The following HNRNPAB variants were observed in gnomAD, a reference collection of about 807,000 sequenced individuals.
HNRNPAB encodes the protein heterogeneous nuclear ribonucleoprotein A/B.
A neutral mutation model predicts 44.1 loss-of-function variants in HNRNPAB; 17 were observed. The observed-to-expected ratio is 0.39, with a 90% CI of 0.26 to 0.58. The LOEUF is 0.58. HNRNPAB is among the 20% of genes least tolerant of loss of function. HNRNPAB has a pLI of 0.63. For missense variants in HNRNPAB, 393 were observed against 432.7 expected (o/e 0.91, Z 0.81); for synonymous variants, 183 against 167.6 (o/e 1.09, Z -0.71).
chr5:178,207,342 T>C, intron 5 of HNRNPAB, 117 bp downstream of exon 5: 2 of 1,247,674 alleles, frequency 1.6e-6, no homozygotes, highest in East Asian at 2.3e-5. Flanking sequence ...GACTTTACTA[T>C]TTCTCTGAAG....
In HNRNPAB at chr5:178,209,321, G is replaced by A. The variant is rs1362755308; in HGVS notation, c.670-9G>A. On this transcript the variant is annotated splice_polypyrimidine_tract_variant and intron_variant, in intron 5 of 7. Transcript: ENST00000358344. ...CTACTGGCCTGACCACTGTCCTCTT[G>A]ACTTTTAGTGTGAGATCAAGGTGGC... is the stretch of plus-strand genomic sequence containing the variant. The A allele has an allele frequency of 3.1e-6, 5 of 1,613,174 alleles. No individual in the cohort carries two copies. In the African/African-American group the frequency reaches 5.3e-5, roughly 17 times the overall value.
chr5:178,208,656 ATTTAT>A (rs1238932380), intron 5 of HNRNPAB: 1 of 152,254 alleles, frequency 6.6e-6, no homozygotes, highest in Non-Finnish European at 1.5e-5. Flanking sequence ...GTCTGGTCTA[ATTTAT>A]TTAAGCAGGA....
In HNRNPAB at chr5:178,207,207, T is replaced by G; in HGVS notation, c.651T>G (p.His217Gln). Residue 217 changes from histidine to glutamine, a missense_variant, in exon 5 of 8, where the codon CAT becomes CAG. His to Gln is a conservative substitution (Grantham distance 24). Around this residue, in one of 3 missense-constraint regions of HNRNPAB, gnomAD observed 210 missense variants for 196.9 expected, o/e 1.07. Transcript: ENST00000358344. Reference sequence around the variant, plus strand: ...AGAAGGTTCTGGAGAAAAAGTTCCATACTGTCAGTGGAAGCAAGGTAAGGT... The same window carrying G: ...AGAAGGTTCTGGAGAAAAAGTTCCAGACTGTCAGTGGAAGCAAGGTAAGGT... Reference protein sequence around the residue: ...PVKKVLEKKFHTVSGSKCEIK... With the variant: ...PVKKVLEKKFQTVSGSKCEIK... 6.2e-7 allele frequency: 1 copy of G among 1,614,206 alleles called. No homozygotes were observed.
intron 6 of HNRNPAB, 91 bp downstream of exon 6, chr5:178,209,538 G>A (rs925361890): frequency 1.9e-6 from 2 of 1,055,304 alleles, no homozygotes; most frequent in Admixed American, 1.9e-5. Flanking sequence ...GTGCTGTGCA[G>A]CAGGGGTGGG....
intron 7 of HNRNPAB, 36 bp downstream of exon 7, chr5:178,210,308 C>T: frequency 6.2e-7 from 1 of 1,613,550 alleles, no homozygotes; most frequent in African/African-American, 1.3e-5. Flanking sequence ...TCCGCTCACC[C>T]CTCGTCCCCA....
chr5:178,209,492 A>G (rs753785383), intron 6 of HNRNPAB, 45 bp downstream of exon 6: 38 of 1,532,442 alleles, frequency 2.5e-5, no homozygotes, highest in East Asian at 4.5e-5. Flanking sequence ...CCCTGCCTAC[A>G]TGGAGCCTTC....
chr5:178,204,917 A>G lies in HNRNPAB; in HGVS notation c.80A>G (p.Glu27Gly). The G allele has an allele frequency of 1.7e-6, 2 of 1,210,224 alleles. No individual in the cohort carries two copies. The highest frequency in any genetic ancestry group is 2.1e-6 in the Non-Finnish European group (2 of 974,196). 75.0% of individuals were successfully genotyped at this position (1,210,224 alleles called of 1,614,324 possible). Reference sequence around the variant, plus strand: ...GGACATGAGGCCGTCCCCGAAGGCGAGTCGCCGGCCGGGGCTGGCACGGGC... The same window carrying G: ...GGACATGAGGCCGTCCCCGAAGGCGGGTCGCCGGCCGGGGCTGGCACGGGC... ...ENGHEAVPEGESPAGAGTGAA... is the reference protein window; with the variant it reads ...ENGHEAVPEGGSPAGAGTGAA... Residue 27 changes from glutamate (E) to glycine (G), a missense_variant, in exon 2 of 8, where the codon GAG becomes GGG. Transcript: ENST00000358344.
At chr5:178,210,062 G>T (rs958748066) in intron 6 of HNRNPAB, 70 bp from the exon 7 acceptor site, 1 of 1,583,324 alleles carries the variant, frequency 6.3e-7, no homozygotes, top group East Asian at 2.2e-5. Flanking sequence ...CAAAGGGCAG[G>T]ATTTCCTCCA....
chr5:178,205,596 C>T, intron 2 of HNRNPAB: 2 of 468,452 alleles, frequency 4.3e-6, no homozygotes, highest in Non-Finnish European at 7.7e-6. Flanking sequence ...AGGTCCCATA[C>T]CCCTGGTGAG....
At chr5:178,207,691 CTTTTTTTTTTTTT>C (rs34424574) in intron 5 of HNRNPAB, among the ~76,000 whole-genome samples, 5 of 78,758 alleles carry the variant, frequency 6.3e-5, no homozygotes, top group Non-Finnish European at 9.0e-5. Flanking sequence ...ACTTTGAGCA[CTTTTTTTTTTTTT>C]TTTTTTTTTT....
intron 6 of HNRNPAB, among the ~76,000 whole-genome samples, 171 bp downstream of exon 6, chr5:178,209,618 G>GT (rs1441533636): frequency 6.6e-6 from 1 of 152,196 alleles, no homozygotes; most frequent in African/African-American, 2.4e-5. Flanking sequence ...GCTTGAGGCT[G>GT]TTGCCTGCTG....
chr5:178,208,728 T>G (rs1162714165), intron 5 of HNRNPAB: 1 of 152,316 alleles, frequency 6.6e-6, no homozygotes, highest in African/African-American at 2.4e-5. Context: ...GAAAGGAAAT[T>G]GACTGACTTG....
Position 178,210,780 on chromosome 5 carries a change from C to CTAT in HNRNPAB, c.*159_*161dup, listed in dbSNP as rs1554104296. On this transcript the variant is annotated 3_prime_UTR_variant, in exon 8 of 8. Coordinates refer to ENST00000358344, the MANE Select transcript of HNRNPAB (RefSeq NM_031266.3). ...CCCATGGAAATCACTCTCCTGTTGACTATTTCCAGAGCTCTAGGTGTTTAG... is the reference window on the plus strand; with the variant it reads ...CCCATGGAAATCACTCTCCTGTTGACTATTATTTCCAGAGCTCTAGGTGTTTAG... 13 of 661,438 alleles carry CTAT rather than the reference C, an allele frequency of 2.0e-5. No individual in the cohort carries two copies. The highest frequency in any genetic ancestry group is 4.0e-4 in the Middle Eastern group (1 of 2,510). The allele number at this position is 661,438 out of a possible 1,614,324, so 41.0% of individuals were successfully genotyped here. A position where few individuals can be genotyped will look rare whatever the true frequency, so the allele number is the denominator to read the frequency against.
intron 5 of HNRNPAB, 93 bp from the exon 6 acceptor site, chr5:178,209,237 C>T: frequency 1.0e-6 from 1 of 984,826 alleles, no homozygotes; most frequent in Non-Finnish European, 1.6e-6. Flanking sequence ...TGGACCTGAT[C>T]CACCATTTGA....
chr5:178,209,418 G>A lies in HNRNPAB; in HGVS notation c.758G>A (p.Arg253Gln), dbSNP rs764048691. 2.5e-6 allele frequency: 4 copies of A among 1,614,150 alleles called. No individual in the cohort carries two copies. The highest frequency in any genetic ancestry group is 2.2e-5 in the East Asian group (1 of 44,880). Residue 253 changes from arginine (R) to glutamine (Q), a missense_variant, in exon 6 of 8, where the codon CGA becomes CAA. Physicochemically the swap from Arg to Gln is conservative, Grantham distance 43. This residue lies in a region of HNRNPAB where 210 missense variants were observed against 196.9 expected (regional missense o/e 1.07). Coordinates refer to ENST00000358344, the MANE Select transcript of HNRNPAB (RefSeq NM_031266.3). ...GGRGNRNRGN[R>Q]GSGGGGGGGG... ...CGTGGAAACCGCAACCGAGGGAACC[G>A]AGGCAGCGGAGGTGGTGGTGGAGGT...
Position 178,210,564 on chromosome 5 carries a change from A to G in HNRNPAB, c.940A>G (p.Thr314Ala). 1 of 1,614,140 alleles carries G rather than the reference A, an allele frequency of 6.2e-7. No homozygotes were observed. Residue 314 changes from threonine (T) to alanine (A), a missense_variant, in exon 8 of 8, where the codon ACA becomes GCA. Thr to Ala is a moderately conservative substitution (Grantham distance 58, BLOSUM62 0). This residue lies in a region of HNRNPAB where 210 missense variants were observed against 196.9 expected (regional missense o/e 1.07). Transcript: ENST00000358344. ...GPGYDYSQGS[T>A]NYGKSQRRGG... is the part of the protein sequence containing the mutation. The stretch of plus-strand genomic sequence containing the variant: ...GTTCTCGTCCCTAGGTCAGGGTAGT[A>G]CAAACTACGGCAAGAGCCAGCGACG...
Position 178,210,119 on chromosome 5 carries a change from G to T in HNRNPAB, c.788-13G>T. On this transcript the variant is annotated splice_polypyrimidine_tract_variant and intron_variant, in intron 6 of 7. Transcript: ENST00000358344. ...AATGGTCCACGGGCCCCTGTGCCCT[G>T]CTCCCCCCACAGGTCAGAGTCAGAG... The T allele has an allele frequency of 6.2e-7, 1 of 1,613,884 alleles. No individual in the cohort carries two copies. The highest frequency in any genetic ancestry group is 1.1e-5 in the South Asian group (1 of 91,084).
At position 178,210,539 on chromosome 5, in the gene HNRNPAB, G is replaced by T; in HGVS notation, c.929-14G>T. ...CTTGTAAATAGTAGCTGCTATGGTT[G>T]TTCTCGTCCCTAGGTCAGGGTAGTA... On this transcript the variant is annotated splice_polypyrimidine_tract_variant and intron_variant, in intron 7 of 7. Transcript: ENST00000358344. The T allele has an allele frequency of 6.2e-7, 1 of 1,613,184 alleles. No homozygotes were observed. Among genetic ancestry groups the T allele is most frequent in the South Asian group, 1.1e-5 (1 of 91,060 alleles).
At chr5:178,208,115 C>A (rs1219956743) in intron 5 of HNRNPAB, among the ~76,000 whole-genome samples, 1 of 152,176 alleles carries the variant, frequency 6.6e-6, no homozygotes, top group East Asian at 1.9e-4. Flanking sequence ...TGTAGCTCTT[C>A]CCCTCCTGAA....
Sources: allele counts gnomAD v4.1 joint callset (sites outside exome capture counted in the v4.1 genomes callset), GRCh38; gene constraint gnomAD v4.1.1; regional missense constraint gnomAD v4.1.1; transcripts MANE v1.5; gene names NCBI Gene and HGNC (gene_info 2026-07-23, HGNC 2026-07-21).